The following SHISA2 variants were observed in gnomAD, a reference collection of about 807,000 sequenced individuals.
SHISA2 encodes the protein shisa family member 2.
Under a neutral mutation model 23.8 loss-of-function variants are expected in SHISA2, and 16 were observed. That is an observed-to-expected ratio of 0.67 (90% CI 0.46 to 1.02). The LOEUF (loss-of-function observed/expected upper bound fraction) is 1.02, where lower values mean the gene tolerates loss of function less well. SHISA2 is among the 50% of genes least tolerant of loss of function. SHISA2 has a pLI of 0.00. For synonymous variants in SHISA2, 201 were observed against 178.6 expected, an observed-to-expected ratio of 1.13 and a Z score of -1.00; for missense variants, 459 against 420.1, an observed-to-expected ratio of 1.09 and a Z score of -0.81.
Position 26,050,787 on chromosome 13 carries a change from G to A in SHISA2, c.189C>T (p.Ala63=), listed in dbSNP as rs886615906. The change falls in exon 1 of 2, where the codon GCC becomes GCT. Residue 63 remains alanine, a synonymous_variant. Transcript: ENST00000319420. ...ACGCGCAGCTGCCGCAGCAGATGGT[G>A]GCGTCGCCGCCGTCGAAGCGCTCGG... ...QCPERFDGGD[A]TICCGSCALR... 9 of 1,524,912 alleles carry A rather than the reference G, an allele frequency of 5.9e-6. No individual in the cohort carries two copies. The highest frequency in any genetic ancestry group is 2.3e-4 in the Middle Eastern group (1 of 4,410). The allele number at this position is 1,524,912 out of a possible 1,614,324, so 94.5% of individuals were successfully genotyped here. A position where few individuals can be genotyped will look rare whatever the true frequency, so the allele number is the denominator to read the frequency against.
At position 26,044,632 on chromosome 13, in the gene SHISA2, A is replaced by G. The variant is rs1045036644; in HGVS notation, c.*1881T>C. 4 of 152,182 alleles carry G rather than the reference A, an allele frequency of 2.6e-5. No homozygotes were observed. Among genetic ancestry groups the G allele is most frequent in the Admixed American group, 1.3e-4 (2 of 15,276 alleles). The allele number at this position is 152,182 out of a possible 1,614,324, so 9.4% of individuals were successfully genotyped here. A position where few individuals can be genotyped will look rare whatever the true frequency, so the allele number is the denominator to read the frequency against. ...AAAATATTTATTAATAAGTAAAATG[A>G]TTTTCCCCTGCCTTTGGTTATTAAA... is the stretch of plus-strand genomic sequence containing the variant. On this transcript the variant is annotated 3_prime_UTR_variant, in exon 2 of 2. Transcript: ENST00000319420.
At chr13:26,050,288 C>G (rs1159393698) in intron 1 of SHISA2, among the ~76,000 whole-genome samples, 4 of 152,168 alleles carry the variant, frequency 2.6e-5, no homozygotes, top group Non-Finnish European at 4.4e-5. Flanking sequence ...GCACCCTCGC[C>G]GTCTCCTTGG....
chr13:26,051,253 G>A lies in SHISA2; in HGVS notation c.-278C>T, dbSNP rs1034084819. 4.6e-5 allele frequency among the ~76,000 whole-genome samples: 7 copies of A among 152,158 alleles called. No homozygotes were observed. Among genetic ancestry groups the A allele is most frequent in the Non-Finnish European group, 1.0e-4 (7 of 68,012 alleles). On this transcript the variant is annotated 5_prime_UTR_variant, in exon 1 of 2. Coordinates refer to ENST00000319420, the MANE Select transcript of SHISA2 (RefSeq NM_001007538.2). ...GGAAATCTCGGGATGCAGTCAGAAGGCCCCCGGGGCTGTCGTCCGGAAGCC... is the reference window on the plus strand; with the variant it reads ...GGAAATCTCGGGATGCAGTCAGAAGACCCCCGGGGCTGTCGTCCGGAAGCC...
At chr13:26,048,195 C>G (rs969074514) in intron 1 of SHISA2, among the ~76,000 whole-genome samples, 10 of 152,072 alleles carry the variant, frequency 6.6e-5, no homozygotes, top group African/African-American at 2.4e-4. Flanking sequence ...CCCAGCTACT[C>G]TGGAGGCTGA....
intron 1 of SHISA2, 78 bp from the exon 2 acceptor site, chr13:26,047,144 G>A (rs1274135510): frequency 7.2e-6 from 10 of 1,391,386 alleles, no homozygotes; most frequent in African/African-American, 4.3e-5. Flanking sequence ...CAATGGCAAT[G>A]AATGAATGAG....
rs189919042 is a variant in SHISA2, at chr13:26,044,908, G to A, written c.*1605C>T. ...TAAATTCACTTGAATTTGATAATTT[G>A]GAACATTGGCAATGAATACAGTGCC... On this transcript the variant is annotated 3_prime_UTR_variant, in exon 2 of 2. Coordinates refer to ENST00000319420, the MANE Select transcript of SHISA2 (RefSeq NM_001007538.2). 22 of 152,276 alleles carry A rather than the reference G, an allele frequency of 1.4e-4. No homozygotes were observed. The highest frequency in any genetic ancestry group is 1.3e-3 in the Admixed American group (20 of 15,302). 9.4% of individuals were successfully genotyped at this position (152,276 alleles called of 1,614,324 possible). A position where few individuals can be genotyped will look rare whatever the true frequency, so the allele number is the denominator to read the frequency against.
intron 1 of SHISA2, among the ~76,000 whole-genome samples, chr13:26,048,151 A>T (rs1957278786): frequency 6.6e-6 from 1 of 151,864 alleles, no homozygotes; most frequent in South Asian, 2.1e-4. Context: ...AAAACCACAA[A>T]ATTTAGCTGA....
At chr13:26,047,319 T>C (rs1957275432) in intron 1 of SHISA2, among the ~76,000 whole-genome samples, 1 of 152,212 alleles carries the variant, frequency 6.6e-6, no homozygotes, top group Admixed American at 6.5e-5. Context: ...TTAGTTCAAC[T>C]TGTCAACTGC....
chr13:26,051,783 G>A lies in SHISA2; in HGVS notation c.-808C>T, dbSNP rs966286215. The stretch of plus-strand genomic sequence containing the variant: ...CTGCTGGGCGCGGATCCAGGCGGGC[G>A]GCTCGCCCCGGTTCCCCTTCTCCGC... On this transcript the variant is annotated 5_prime_UTR_variant, in exon 1 of 2. Transcript: ENST00000319420. 5.9e-5 allele frequency among the ~76,000 whole-genome samples: 9 copies of A among 152,086 alleles called. No individual in the cohort carries two copies. The highest frequency in any genetic ancestry group is 1.9e-4 in the African/African-American group (8 of 41,426).
In SHISA2 at chr13:26,046,988, C is replaced by T. The variant is rs1419654481; in HGVS notation, c.413G>A (p.Cys138Tyr). 1 of 1,598,380 alleles carries T rather than the reference C, an allele frequency of 6.3e-7. No individual in the cohort carries two copies. The highest frequency in any genetic ancestry group is 1.1e-5 in the South Asian group (1 of 90,052). The change falls in exon 2 of 2, where the codon TGT (cysteine) becomes TAT (tyrosine). Residue 138 changes from cysteine to tyrosine, a missense_variant. Coordinates refer to ENST00000319420, the MANE Select transcript of SHISA2 (RefSeq NM_001007538.2). ...CTTAGGCCGGAGACATCTGCAGCAACAGGCTGCCACCAGGGACCCCAAGAT... is the reference window on the plus strand; with the variant it reads ...CTTAGGCCGGAGACATCTGCAGCAATAGGCTGCCACCAGGGACCCCAAGAT... ...FIILGSLVAACCCRCLRPKQD... is the reference protein window; with the variant it reads ...FIILGSLVAAYCCRCLRPKQD...
At chr13:26,049,198 T>A (rs770629402) in intron 1 of SHISA2, among the ~76,000 whole-genome samples, 7 of 152,222 alleles carry the variant, frequency 4.6e-5, no homozygotes, top group Non-Finnish European at 8.8e-5. Context: ...CCAGGATTTT[T>A]AATTGGAAAT....
chr13:26,051,692 G>A lies in SHISA2; in HGVS notation c.-717C>T, dbSNP rs1729926687. On this transcript the variant is annotated 5_prime_UTR_variant, in exon 1 of 2. Transcript: ENST00000319420. ...GACCCCGGGAACGTCCAGGACGCAG[G>A]CGAGGGTCCTGCGCGCCCCCAGCCG... Among the ~76,000 whole-genome samples the A allele has an allele frequency of 6.6e-6, 1 of 151,990 alleles. No individual in the cohort carries two copies. Among genetic ancestry groups the A allele is most frequent in the Non-Finnish European group, 1.5e-5 (1 of 67,952 alleles).
In SHISA2 at chr13:26,045,543, A is replaced by C. The variant is rs1016428363; in HGVS notation, c.*970T>G. ...CATTAGTTAAGTAACTATACAATTT[A>C]TTTCAGTCTCTTTTTAATGTAGAAA... On this transcript the variant is annotated 3_prime_UTR_variant, in exon 2 of 2. Transcript: ENST00000319420. The C allele has an allele frequency of 1.4e-4, 21 of 152,206 alleles. No individual in the cohort carries two copies. The highest frequency in any genetic ancestry group is 2.9e-4 in the Non-Finnish European group (20 of 68,040). The allele number at this position is 152,206 out of a possible 1,614,324, so 9.4% of individuals were successfully genotyped here. A position where few individuals can be genotyped will look rare whatever the true frequency, so the allele number is the denominator to read the frequency against.
Position 26,046,390 on chromosome 13 carries a change from G to C in SHISA2, c.*123C>G. The C allele has an allele frequency of 1.1e-6, 1 of 950,884 alleles. No homozygotes were observed. The highest frequency in any genetic ancestry group is 2.8e-5 in the Admixed American group (1 of 35,166). The allele number at this position is 950,884 out of a possible 1,614,324, so 58.9% of individuals were successfully genotyped here. A position where few individuals can be genotyped will look rare whatever the true frequency, so the allele number is the denominator to read the frequency against. On this transcript the variant is annotated 3_prime_UTR_variant, in exon 2 of 2. Transcript: ENST00000319420. The stretch of plus-strand genomic sequence containing the variant: ...CGGAGATGTTTTCATACAGTCTGGG[G>C]GCAAATGAAGCCATCCAAAGGAATC...
At chr13:26,050,579 G>A (rs1031540748) in intron 1 of SHISA2, 63 bp downstream of exon 1, 26 of 1,354,958 alleles carry the variant, frequency 1.9e-5, no homozygotes, top group Non-Finnish European at 2.4e-5. Flanking sequence ...CAAACTCCCA[G>A]GTCCCTGACG....
At chr13:26,048,857 G>A (rs1400608305) in intron 1 of SHISA2, among the ~76,000 whole-genome samples, 2 of 152,178 alleles carry the variant, frequency 1.3e-5, no homozygotes, top group Admixed American at 1.3e-4. Context: ...ATGCTGAACA[G>A]AGCAATTTCT....
chr13:26,046,369 G>A lies in SHISA2; in HGVS notation c.*144C>T, dbSNP rs931762755. On this transcript the variant is annotated 3_prime_UTR_variant, in exon 2 of 2. Coordinates refer to ENST00000319420, the MANE Select transcript of SHISA2 (RefSeq NM_001007538.2). ...ACATATCCAGAAATGCTAATTCGGAGATGTTTTCATACAGTCTGGGGGCAA... is the reference window on the plus strand; with the variant it reads ...ACATATCCAGAAATGCTAATTCGGAAATGTTTTCATACAGTCTGGGGGCAA... 6.3e-6 allele frequency: 5 copies of A among 792,680 alleles called. No homozygotes were observed. The highest frequency in any genetic ancestry group is 5.8e-6 in the Non-Finnish European group (3 of 518,852). The allele number at this position is 792,680 out of a possible 1,614,324, so 49.1% of individuals were successfully genotyped here. A position where few individuals can be genotyped will look rare whatever the true frequency, so the allele number is the denominator to read the frequency against.
rs1177165989 is a variant in SHISA2 at position 26,051,369 on chromosome 13, G to C, written c.-394C>G. On this transcript the variant is annotated 5_prime_UTR_variant, in exon 1 of 2. Coordinates refer to ENST00000319420, the MANE Select transcript of SHISA2 (RefSeq NM_001007538.2). ...AATGACCGCTGGGCGCGCCGCCGCG[G>C]ACCTGGAGCCAGGGCTCTGCGCAGG... is the stretch of plus-strand genomic sequence containing the variant. Among the ~76,000 whole-genome samples, 1 of 152,122 alleles carries C rather than the reference G, an allele frequency of 6.6e-6. No individual in the cohort carries two copies. Among genetic ancestry groups the C allele is most frequent in the South Asian group, 2.1e-4 (1 of 4,828 alleles).
At position 26,050,881 on chromosome 13, in the gene SHISA2, C is replaced by G; in HGVS notation, c.95G>C (p.Arg32Thr). The change falls in exon 1 of 2, where the codon AGG (arginine) becomes ACG (threonine). Residue 32 changes from arginine (R) to threonine (T), a missense_variant. By Grantham distance (71) the Arg-to-Thr change is moderately conservative. Transcript: ENST00000319420. ...GCCGTGGCAGTACTCGCCGCTGGCC[C>G]TCGCCCCCGCCGCCAGCAGCGCAGC... ...LLAALLAAGA[R>T]ASGEYCHGWL... 6.6e-7 allele frequency: 1 copy of G among 1,521,288 alleles called. No homozygotes were observed. The highest frequency in any genetic ancestry group is 2.6e-5 in the East Asian group (1 of 39,134). 94.2% of individuals were successfully genotyped at this position (1,521,288 alleles called of 1,614,324 possible). A position where few individuals can be genotyped will look rare whatever the true frequency, so the allele number is the denominator to read the frequency against.
Sources: allele counts gnomAD v4.1 joint callset (sites outside exome capture counted in the v4.1 genomes callset), GRCh38; gene constraint gnomAD v4.1.1; transcripts MANE v1.5; gene names NCBI Gene and HGNC (gene_info 2026-07-23, HGNC 2026-07-21).